FBXW10B: variants seen among roughly 807,000 people sequenced by gnomAD.
FBXW10B encodes F-box and WD repeat domain containing 10B.
chr17:15,590,384 C>A, the FBXW10B span, among the ~76,000 whole-genome samples: 1 of 147,338 alleles, frequency 6.8e-6, no homozygotes, highest in African/African-American at 2.6e-5. Context: ...GCAGCCTTGT[C>A]CTCTGGCTGT....
At chr17:15,605,553 C>G in the FBXW10B span, 1 of 1,445,552 alleles carries the variant, frequency 6.9e-7, no homozygotes, top group Non-Finnish European at 9.2e-7. Context: ...ACAAGGGAGG[C>G]AGCAGAAGGC....
chr17:15,583,874 AACTC>A, the FBXW10B span, among the ~76,000 whole-genome samples: 1 of 152,144 alleles, frequency 6.6e-6, no homozygotes, highest in Admixed American at 6.5e-5. Flanking sequence ...TTTTTTAAGA[AACTC>A]AATACTGTTT....
the FBXW10B span, chr17:15,593,448 C>G: frequency 1.9e-6 from 3 of 1,614,132 alleles, no homozygotes; most frequent in Non-Finnish European, 2.5e-6. Context: ...GCCATCTGCA[C>G]AGGCGCTGAT....
the FBXW10B span, among the ~76,000 whole-genome samples, chr17:15,567,701 A>G: frequency 6.6e-6 from 1 of 152,298 alleles, no homozygotes; most frequent in African/African-American, 2.4e-5. Context: ...CTCAGAGAAA[A>G]GAAGAATTCT....
the FBXW10B span, among the ~76,000 whole-genome samples, chr17:15,601,428 A>G: frequency 4.7e-3 from 715 of 151,406 alleles, 2 homozygotes; most frequent in South Asian, 0.017. Flanking sequence ...AAAAAAAAAA[A>G]AGAGAAAGAA....
At chr17:15,571,969 G>GGT in the FBXW10B span, 1 of 151,956 alleles carries the variant, frequency 6.6e-6, no homozygotes, top group Non-Finnish European at 1.5e-5. Flanking sequence ...AACGGCGGTG[G>GGT]GGGGAGGGGT....
At chr17:15,612,470 T>C in the FBXW10B span, among the ~76,000 whole-genome samples, 2 of 151,482 alleles carry the variant, frequency 1.3e-5, no homozygotes, top group East Asian at 1.9e-4. Flanking sequence ...GCCAAGACTG[T>C]GCCACTGCAC....
At chr17:15,608,906 T>G in the FBXW10B span, among the ~76,000 whole-genome samples, 11 of 152,348 alleles carry the variant, frequency 7.2e-5, no homozygotes, top group South Asian at 2.1e-4. Context: ...TTATCAAGTC[T>G]TGACAGGGGC....
chr17:15,593,528 T>G, the FBXW10B span: 1 of 1,608,494 alleles, frequency 6.2e-7, no homozygotes, highest in Non-Finnish European at 8.5e-7. Context: ...GCAGTACCCA[T>G]CCTCTCATAA....
chr17:15,567,533 A>G, the FBXW10B span, among the ~76,000 whole-genome samples: 1 of 152,104 alleles, frequency 6.6e-6, no homozygotes, highest in African/African-American at 2.4e-5. Flanking sequence ...TTGCCCATTG[A>G]TGGACATTAA....
At chr17:15,565,756 A>G in the FBXW10B span, 1 of 1,613,910 alleles carries the variant, frequency 6.2e-7, no homozygotes, top group African/African-American at 1.3e-5. Flanking sequence ...GTTCACTCTA[A>G]AAGGATCAAG....
chr17:15,617,958 C>T, the FBXW10B span, among the ~76,000 whole-genome samples: 1 of 152,208 alleles, frequency 6.6e-6, no homozygotes, highest in Admixed American at 6.5e-5. Context: ...CAAGATTCTC[C>T]AACACCCTAG....
chr17:15,593,785 A>G, the FBXW10B span, among the ~76,000 whole-genome samples: 3 of 151,910 alleles, frequency 2.0e-5, no homozygotes, highest in Non-Finnish European at 4.4e-5. Context: ...TGCGCCACCA[A>G]GCCTGGCTAA....
the FBXW10B span, among the ~76,000 whole-genome samples, chr17:15,580,871 A>T: frequency 6.6e-6 from 1 of 152,094 alleles, no homozygotes; most frequent in African/African-American, 2.4e-5. Flanking sequence ...CTATGTGCTC[A>T]TTTAACAAGC....
chr17:15,602,919 G>A, the FBXW10B span, among the ~76,000 whole-genome samples: 3 of 115,580 alleles, frequency 2.6e-5, no homozygotes, highest in African/African-American at 8.9e-5. Context: ...GAGCCACCGC[G>A]CCCGGCGAGA....
chr17:15,608,640 G>A, the FBXW10B span, among the ~76,000 whole-genome samples: 2 of 151,892 alleles, frequency 1.3e-5, no homozygotes, highest in Admixed American at 6.6e-5. Context: ...TTTTAGTAGC[G>A]ACGGAGTTTC....
chr17:15,597,463 TAAAA>T, the FBXW10B span, among the ~76,000 whole-genome samples: 1 of 121,276 alleles, frequency 8.2e-6, no homozygotes. Flanking sequence ...CCGTCTCTAC[TAAAA>T]AAAAAAAAAA....
the FBXW10B span, among the ~76,000 whole-genome samples, chr17:15,576,192 G>C: frequency 7.2e-5 from 11 of 152,022 alleles, no homozygotes; most frequent in African/African-American, 2.7e-4. Context: ...TATATTTTTA[G>C]TGATATCCTT....
the FBXW10B span, among the ~76,000 whole-genome samples, chr17:15,569,767 G>A: frequency 6.6e-6 from 1 of 152,110 alleles, no homozygotes; most frequent in Admixed American, 6.5e-5. Context: ...TAGACACAGT[G>A]TCTCACTATG....
Sources: allele counts gnomAD v4.1 joint callset (sites outside exome capture counted in the v4.1 genomes callset), GRCh38; gene constraint gnomAD v4.1.1; transcripts MANE v1.5; gene names NCBI Gene and HGNC (gene_info 2026-07-23, HGNC 2026-07-21).